Variants in CNOT7 observed in about 807,000 individuals in gnomAD.
The protein encoded by CNOT7 is CCR4-NOT transcription complex subunit 7, also known as BTG1-binding factor 1.
A neutral mutation model predicts 37.1 loss-of-function variants in CNOT7; 4 were observed. That is an observed-to-expected ratio of 0.11 (90% confidence interval 0.05 to 0.25). The LOEUF (loss-of-function observed/expected upper bound fraction) is 0.25, where lower values mean the gene tolerates loss of function less well. Ranked by LOEUF, CNOT7 falls within the 10% of genes least tolerant of loss-of-function variation. CNOT7 has a pLI of 1.00. For missense variants in CNOT7, 170 were observed against 336.2 expected, an observed-to-expected ratio of 0.51 and a Z score of 3.87; for synonymous variants, 128 against 115.6, an observed-to-expected ratio of 1.11 and a Z score of -0.69.
intron 3 of CNOT7, 188 bp from the exon 4 acceptor site, chr8:17,237,561 G>A: frequency 1.8e-6 from 1 of 544,862 alleles, no homozygotes; most frequent in Non-Finnish European, 3.2e-6. Flanking sequence ...TTTCAGAAAA[G>A]TGTTTCGAAT....
chr8:17,244,919 C>T (rs1392209141), intron 2 of CNOT7, 117 bp downstream of exon 2: 2 of 862,242 alleles, frequency 2.3e-6, no homozygotes, highest in South Asian at 3.5e-5. Context: ...ACAAATTTTA[C>T]TTTTCATGGT....
At position 17,227,974 on chromosome 8, in the gene CNOT7, T is replaced by C. The variant is rs1038804815; in HGVS notation, c.*2746A>G. The C allele has an allele frequency of 1.3e-5, 2 of 151,928 alleles. No homozygotes were observed. Among genetic ancestry groups the C allele is most frequent in the Admixed American group, 6.6e-5 (1 of 15,230 alleles). 9.4% of individuals were successfully genotyped at this position (151,928 alleles called of 1,614,324 possible). On this transcript the variant is annotated 3_prime_UTR_variant, in exon 7 of 7. Coordinates refer to ENST00000361272, the MANE Select transcript of CNOT7 (RefSeq NM_013354.7). ...GCGGCAATGTGAAACAAGACACACA[T>C]ACACAGGTTCTGTAGCAGCTACTCA...
chr8:17,244,959 A>G (rs1026928880), intron 2 of CNOT7, 77 bp downstream of exon 2: 4 of 1,166,636 alleles, frequency 3.4e-6, no homozygotes, highest in Non-Finnish European at 4.9e-6. Context: ...ATCAACCAAA[A>G]GGGTTGAATT....
Position 17,231,129 on chromosome 8 carries a change from ATAAC to A in CNOT7, c.730-285_730-282del, listed in dbSNP as rs993173240. ...TATAAGAATTTTTCATCATGGAAAAATAACTATTCCATTAATTTAACAATACTCA... is the reference window on the plus strand; with the variant it reads ...TATAAGAATTTTTCATCATGGAAAAATATTCCATTAATTTAACAATACTCA... On this transcript the variant is annotated intron_variant, in intron 6 of 6. Coordinates refer to ENST00000361272, the MANE Select transcript of CNOT7 (RefSeq NM_013354.7). Among the ~76,000 whole-genome samples, 10 of 152,274 alleles carry A rather than the reference ATAAC, an allele frequency of 6.6e-5. No individual in the cohort carries two copies. In the East Asian group the frequency reaches 7.7e-4, roughly 12 times the overall value.
rs1302541773 is a variant in CNOT7, at chr8:17,246,682, G to A, written c.-103C>T. 2 of 166,434 alleles carry A rather than the reference G, an allele frequency of 1.2e-5. No homozygotes were observed. The highest frequency in any genetic ancestry group is 1.2e-4 in the South Asian group (1 of 8,634). 10.3% of individuals were successfully genotyped at this position (166,434 alleles called of 1,614,324 possible). On this transcript the variant is annotated 5_prime_UTR_variant, in exon 1 of 7. Coordinates refer to ENST00000361272, the MANE Select transcript of CNOT7 (RefSeq NM_013354.7). Reference sequence around the variant, plus strand: ...AGCGGATGCAAGATCTACTTGTGTCGCTGAGCTCGCGCTCCTCCTCCTCCT... The same window carrying A: ...AGCGGATGCAAGATCTACTTGTGTCACTGAGCTCGCGCTCCTCCTCCTCCT...
intron 3 of CNOT7, among the ~76,000 whole-genome samples, chr8:17,238,556 A>C (rs1809698790): frequency 6.6e-6 from 1 of 151,912 alleles, no homozygotes; most frequent in Non-Finnish European, 1.5e-5. Flanking sequence ...CCTATGCTAA[A>C]AATATGTACC....
At chr8:17,237,568 G>T (rs191863947) in intron 3 of CNOT7, 195 bp from the exon 4 acceptor site, 1 of 536,744 alleles carries the variant, frequency 1.9e-6, no homozygotes, top group East Asian at 2.9e-5. Flanking sequence ...AAAGTGTTTC[G>T]AATAAAAAAT....
In CNOT7 at chr8:17,226,029, C is replaced by CTTTTTTTTTTT. The variant is rs61036000; in HGVS notation, c.*4680_*4690dup. ...TCTTCTAGTAGAGAGGTGGACAAGCCTTTTTTTTTTTTTTTTTTTTTTTTT... is the reference window on the plus strand; with the variant it reads ...TCTTCTAGTAGAGAGGTGGACAAGCCTTTTTTTTTTTTTTTTTTTTTTTTTTTTTTTTTTTT... On this transcript the variant is annotated 3_prime_UTR_variant, in exon 7 of 7. Coordinates refer to ENST00000361272, the MANE Select transcript of CNOT7 (RefSeq NM_013354.7). The CTTTTTTTTTTT allele has an allele frequency of 3.8e-3, 222 of 58,720 alleles. 30 individuals are homozygous for CTTTTTTTTTTT. Among genetic ancestry groups the CTTTTTTTTTTT allele is most frequent in the African/African-American group, 0.013 (193 of 15,082 alleles). 3.6% of individuals were successfully genotyped at this position (58,720 alleles called of 1,614,324 possible). A position where few individuals can be genotyped will look rare whatever the true frequency, so the allele number is the denominator to read the frequency against.
intron 3 of CNOT7, among the ~76,000 whole-genome samples, chr8:17,238,828 T>C (rs1305608783): frequency 2.6e-5 from 4 of 152,202 alleles, no homozygotes; most frequent in Non-Finnish European, 5.9e-5. Context: ...TATTCCTGTC[T>C]TTCTTTACAT....
At chr8:17,238,334 A>G (rs912923932) in intron 3 of CNOT7, among the ~76,000 whole-genome samples, 3 of 149,964 alleles carry the variant, frequency 2.0e-5, no homozygotes, top group Admixed American at 1.3e-4. Flanking sequence ...ACTTGGGCCA[A>G]AAAGTATCGT....
chr8:17,233,546 A>G (rs1186627694), intron 5 of CNOT7, among the ~76,000 whole-genome samples: 5 of 152,156 alleles, frequency 3.3e-5, no homozygotes, highest in Non-Finnish European at 5.9e-5. Flanking sequence ...CCACATGATG[A>G]GCAATAATTT....
intron 3 of CNOT7, among the ~76,000 whole-genome samples, chr8:17,238,968 T>C (rs763112191): frequency 2.0e-4 from 30 of 152,320 alleles, no homozygotes; most frequent in African/African-American, 6.7e-4. Context: ...TGCCTATCTT[T>C]ATCCTAACAT....
In CNOT7 at chr8:17,232,412, G is replaced by A. The variant is rs1226968833; in HGVS notation, c.729+15C>T. On this transcript the variant is annotated intron_variant, in intron 6 of 6. Transcript: ENST00000361272. ...CTAACAACCAACTGAGAAAAAGGCA[G>A]TGATGTCTTCATACTTCTCTCATTT... 2.5e-6 allele frequency: 4 copies of A among 1,613,566 alleles called. No individual in the cohort carries two copies. Among genetic ancestry groups the A allele is most frequent in the Non-Finnish European group, 3.4e-6 (4 of 1,179,856 alleles).
At position 17,225,299 on chromosome 8, in the gene CNOT7, A is replaced by T. The variant is rs1808083674; in HGVS notation, c.*5421T>A. On this transcript the variant is annotated 3_prime_UTR_variant, in exon 7 of 7. Transcript: ENST00000361272. ...AAACAGAAGGGTGTGAAAGCAGTGA[A>T]TTTCCCCTCCTATGACAATAAAGCA... The T allele has an allele frequency of 1.3e-5, 2 of 151,684 alleles. No individual in the cohort carries two copies. The highest frequency in any genetic ancestry group is 4.8e-5 in the African/African-American group (2 of 41,388). The allele number at this position is 151,684 out of a possible 1,614,324, so 9.4% of individuals were successfully genotyped here. A position where few individuals can be genotyped will look rare whatever the true frequency, so the allele number is the denominator to read the frequency against.
intron 4 of CNOT7, 70 bp downstream of exon 4, chr8:17,237,142 G>A: frequency 2.0e-6 from 3 of 1,468,916 alleles, no homozygotes; most frequent in Non-Finnish European, 2.8e-6. Flanking sequence ...TGCTAACATA[G>A]TGACCCAAGT....
intron 3 of CNOT7, chr8:17,237,653 T>A (rs751909859): frequency 1.9e-5 from 5 of 269,922 alleles, no homozygotes; most frequent in Non-Finnish European, 2.8e-5. Context: ...TTAAATACAT[T>A]TAACTGGGTT....
intron 3 of CNOT7, among the ~76,000 whole-genome samples, chr8:17,240,293 C>CG (rs1809984857): frequency 1.3e-5 from 2 of 152,142 alleles, no homozygotes; most frequent in Non-Finnish European, 2.9e-5. Context: ...ACATGTGGCC[C>CG]GGCATGGCTG....
rs111270137 is a variant in CNOT7, at chr8:17,239,430, C to A, written c.312-2057G>T. Reference sequence around the variant, plus strand: ...CTTAAATGAAGCATCAGCATCCTTTCTGTTACCACCAAACCCAAGGTGCCC... The same window carrying A: ...CTTAAATGAAGCATCAGCATCCTTTATGTTACCACCAAACCCAAGGTGCCC... On this transcript the variant is annotated intron_variant, in intron 3 of 6. Transcript: ENST00000361272. 2.8e-3 allele frequency among the ~76,000 whole-genome samples: 433 copies of A among 152,300 alleles called. 2 individuals carry two copies. The highest frequency in any genetic ancestry group is 9.6e-3 in the African/African-American group (399 of 41,568).
chr8:17,237,799 T>A (rs1329580470), intron 3 of CNOT7, among the ~76,000 whole-genome samples: 1 of 152,226 alleles, frequency 6.6e-6, no homozygotes, highest in Admixed American at 6.5e-5. Flanking sequence ...CATATGCCCA[T>A]CTCCCGTGCT....
Sources: allele counts gnomAD v4.1 joint callset (sites outside exome capture counted in the v4.1 genomes callset), GRCh38; gene constraint gnomAD v4.1.1; transcripts MANE v1.5; gene names NCBI Gene and HGNC (gene_info 2026-07-23, HGNC 2026-07-21).